TSPAN5: variants seen among roughly 807,000 people sequenced by gnomAD.
TSPAN5 encodes tetraspanin 5.
TSPAN5 carries 10 observed loss-of-function variants against 37.1 expected under a neutral mutation model. That is an observed-to-expected ratio of 0.27 (90% CI 0.17 to 0.46). The LOEUF (loss-of-function observed/expected upper bound fraction) is 0.46. TSPAN5 is among the 20% of genes least tolerant of loss of function. The probability of loss-of-function intolerance (pLI) is 1.00; values close to 1 mark genes in which losing one functional copy is unlikely to be tolerated. For synonymous variants in TSPAN5, 110 were observed against 118.9 expected (o/e 0.93, Z 0.48); for missense variants, 195 against 326.6 (o/e 0.60, Z 3.11).
chr4:98,626,962 A>T (rs1342567141), intron 1 of TSPAN5, among the ~76,000 whole-genome samples: 1 of 151,064 alleles, frequency 6.6e-6, no homozygotes, highest in African/African-American at 2.4e-5. Flanking sequence ...ACATCAAAAA[A>T]TATTTACTGG....
intron 1 of TSPAN5, among the ~76,000 whole-genome samples, chr4:98,509,595 G>GCT (rs1753559518): frequency 6.6e-6 from 1 of 152,084 alleles, no homozygotes; most frequent in Non-Finnish European, 1.5e-5. Flanking sequence ...CCTACCCCTT[G>GCT]CTCTTATAGG....
chr4:98,644,372 C>T (rs1307388003), intron 1 of TSPAN5, among the ~76,000 whole-genome samples: 1 of 152,026 alleles, frequency 6.6e-6, no homozygotes, highest in Non-Finnish European at 1.5e-5. Context: ...AGTGTTTGTT[C>T]ACTGTTCTCG....
intron 1 of TSPAN5, among the ~76,000 whole-genome samples, chr4:98,648,973 A>G (rs1021765723): frequency 6.6e-6 from 1 of 152,242 alleles, no homozygotes. Flanking sequence ...CTACATGCAT[A>G]AAGGGGTGAA....
In TSPAN5 at chr4:98,476,319, G is replaced by C. The variant is rs764337477; in HGVS notation, c.625-14C>G. 19 of 1,613,494 alleles carry C rather than the reference G, an allele frequency of 1.2e-5. No individual in the cohort carries two copies. Among genetic ancestry groups the C allele is most frequent in the Non-Finnish European group, 1.5e-5 (18 of 1,179,490 alleles). ...CTGGTCAACTTCCTTCACAAGAGAAGAGGAGAGCACATTGTCACAGATAGA... is the reference window on the plus strand; with the variant it reads ...CTGGTCAACTTCCTTCACAAGAGAACAGGAGAGCACATTGTCACAGATAGA... On this transcript the variant is annotated splice_polypyrimidine_tract_variant and intron_variant, in intron 6 of 7. Coordinates refer to ENST00000305798, the MANE Select transcript of TSPAN5 (RefSeq NM_005723.4).
At chr4:98,588,269 A>G (rs916083985) in intron 1 of TSPAN5, among the ~76,000 whole-genome samples, 1 of 152,182 alleles carries the variant, frequency 6.6e-6, no homozygotes, top group African/African-American at 2.4e-5. Context: ...AAATGAGCCA[A>G]GTGTGCCGAT....
intron 1 of TSPAN5, among the ~76,000 whole-genome samples, chr4:98,520,316 A>G (rs1409279981): frequency 6.6e-6 from 1 of 152,234 alleles, no homozygotes; most frequent in Non-Finnish European, 1.5e-5. Flanking sequence ...ATTAAAACAT[A>G]GAGCAACAAG....
At chr4:98,657,615 G>C (rs1757318996) in intron 1 of TSPAN5, 2 of 168,488 alleles carry the variant, frequency 1.2e-5, no homozygotes, top group Middle Eastern at 5.3e-3. Flanking sequence ...CATATACCAC[G>C]GCATCTGCAT....
chr4:98,553,122 CT>C (rs1345511952), intron 1 of TSPAN5, among the ~76,000 whole-genome samples: 1 of 152,056 alleles, frequency 6.6e-6, no homozygotes, highest in Non-Finnish European at 1.5e-5. Context: ...AAATTAAGAG[CT>C]TTTTTTGTGA....
At chr4:98,621,951 A>ATCAT (rs1205800892) in intron 1 of TSPAN5, among the ~76,000 whole-genome samples, 1 of 152,192 alleles carries the variant, frequency 6.6e-6, no homozygotes, top group African/African-American at 2.4e-5. Flanking sequence ...TGTAGCATGT[A>ATCAT]TCATTACTTC....
At chr4:98,514,897 G>A (rs1185236021) in intron 1 of TSPAN5, among the ~76,000 whole-genome samples, 1 of 152,158 alleles carries the variant, frequency 6.6e-6, no homozygotes, top group African/African-American at 2.4e-5. Flanking sequence ...ACATAAGTGA[G>A]TAGATGCAGG....
chr4:98,658,264 A>G lies in TSPAN5; in HGVS notation c.-38T>C. 6.4e-7 allele frequency: 1 copy of G among 1,554,208 alleles called. No individual in the cohort carries two copies. The highest frequency in any genetic ancestry group is 8.9e-7 in the Non-Finnish European group (1 of 1,125,736). ...TGAAGACACTTGCCCCGGCAGCCCG[A>G]GTTTGGAGCTCCGAAGCACCGTTGC... On this transcript the variant is annotated 5_prime_UTR_variant, in exon 1 of 8. Transcript: ENST00000305798.
At chr4:98,622,188 T>C (rs763144078) in intron 1 of TSPAN5, among the ~76,000 whole-genome samples, 1 of 152,182 alleles carries the variant, frequency 6.6e-6, no homozygotes, top group Non-Finnish European at 1.5e-5. Flanking sequence ...CAAATGATTC[T>C]CGTGCCTCAG....
chr4:98,541,883 T>G (rs1754368053), intron 1 of TSPAN5, among the ~76,000 whole-genome samples: 1 of 152,114 alleles, frequency 6.6e-6, no homozygotes, highest in African/African-American at 2.4e-5. Context: ...TTTAGAGAGA[T>G]ATGGAGAGTA....
intron 2 of TSPAN5, among the ~76,000 whole-genome samples, chr4:98,499,945 C>A (rs1189965790): frequency 6.6e-6 from 1 of 151,998 alleles, no homozygotes; most frequent in Non-Finnish European, 1.5e-5. Flanking sequence ...CAGGTGTGAG[C>A]CACCGCGCCC....
At chr4:98,495,383 G>T (rs981383302) in intron 2 of TSPAN5, among the ~76,000 whole-genome samples, 3 of 152,046 alleles carry the variant, frequency 2.0e-5, no homozygotes, top group African/African-American at 4.8e-5. Flanking sequence ...CAAAAAATTA[G>T]CCAGGTGTGG....
At chr4:98,544,898 G>A (rs1044824952) in intron 1 of TSPAN5, among the ~76,000 whole-genome samples, 3 of 152,194 alleles carry the variant, frequency 2.0e-5, no homozygotes, top group African/African-American at 7.2e-5. Flanking sequence ...GAAGTCTTAT[G>A]TTCAGGGGAG....
intron 1 of TSPAN5, among the ~76,000 whole-genome samples, chr4:98,570,775 G>T: frequency 6.6e-6 from 1 of 151,958 alleles, no homozygotes; most frequent in East Asian, 1.9e-4. Context: ...CCAGGTAAAC[G>T]CTCTCCCATT....
intron 1 of TSPAN5, among the ~76,000 whole-genome samples, chr4:98,520,087 C>T (rs1365246360): frequency 6.6e-6 from 1 of 152,044 alleles, no homozygotes; most frequent in African/African-American, 2.4e-5. Context: ...GAAAGAGGAT[C>T]AAGGCATTGT....
chr4:98,644,786 C>T (rs753014817), intron 1 of TSPAN5, among the ~76,000 whole-genome samples: 1 of 152,126 alleles, frequency 6.6e-6, no homozygotes, highest in Non-Finnish European at 1.5e-5. Flanking sequence ...TACAATTTCC[C>T]AAAGCATTTT....
Sources: allele counts gnomAD v4.1 joint callset (sites outside exome capture counted in the v4.1 genomes callset), GRCh38; gene constraint gnomAD v4.1.1; transcripts MANE v1.5; gene names NCBI Gene and HGNC (gene_info 2026-07-23, HGNC 2026-07-21).